ZBTB20: variants seen among roughly 807,000 people sequenced by gnomAD.
The protein encoded by ZBTB20 is zinc finger and BTB domain-containing protein 20.
ZBTB20 carries 9 observed loss-of-function variants against 56.9 expected under a neutral mutation model. That is an observed-to-expected ratio of 0.16 (90% CI 0.10 to 0.28). The LOEUF (loss-of-function observed/expected upper bound fraction) is 0.28, where lower values mean the gene tolerates loss of function less well. Among genes scored for constraint, ZBTB20 ranks in the 10% least tolerant of loss-of-function variants. ZBTB20 has a pLI of 1.00. For missense variants in ZBTB20, 655 were observed against 1,003.0 expected (o/e 0.65, Z 4.69); for synonymous variants, 417 against 420.7 (o/e 0.99, Z 0.11).
At chr3:114,798,803 A>G (rs2071512407) in intron 5 of ZBTB20, among the ~76,000 whole-genome samples, 1 of 151,934 alleles carries the variant, frequency 6.6e-6, no homozygotes, top group African/African-American at 2.4e-5. Context: ...GTTATTGAAC[A>G]TGATAACAGT....
chr3:114,751,581 G>C (rs1246088905), intron 5 of ZBTB20, among the ~76,000 whole-genome samples: 1 of 151,930 alleles, frequency 6.6e-6, no homozygotes, highest in African/African-American at 2.4e-5. Context: ...ACCCTCTTTA[G>C]GTAAAACTGT....
chr3:114,533,012 G>A (rs1015433321), intron 6 of ZBTB20, among the ~76,000 whole-genome samples: 5 of 152,168 alleles, frequency 3.3e-5, no homozygotes, highest in African/African-American at 1.2e-4. Flanking sequence ...ACCAAAGGTA[G>A]ATAAATCCAC....
intron 5 of ZBTB20, among the ~76,000 whole-genome samples, chr3:114,740,010 T>C (rs537201319): frequency 7.9e-5 from 12 of 152,332 alleles, no homozygotes; most frequent in Admixed American, 7.8e-4. Context: ...TAATCTGAGG[T>C]GATTACGTTT....
chr3:114,525,862 A>G (rs970510138), intron 6 of ZBTB20, among the ~76,000 whole-genome samples: 71 of 152,306 alleles, frequency 4.7e-4, no homozygotes, highest in African/African-American at 1.7e-3. Context: ...TTCCTGCTCT[A>G]TGATACTGTC....
In ZBTB20 at chr3:114,437,118, A is replaced by G. The variant is rs2090571400; in HGVS notation, c.-254-48013T>C. 3.3e-5 allele frequency among the ~76,000 whole-genome samples: 5 copies of G among 152,234 alleles called. No individual in the cohort carries two copies. In the South Asian group the frequency reaches 1.0e-3, roughly 32 times the overall value. ...GGAACAGGGGAAGGTGAAGGAAGCA[A>G]TCAGATTAACTAACACAAGGACCCT... On this transcript the variant is annotated intron_variant, in intron 7 of 11. Coordinates refer to ENST00000675478, the MANE Select transcript of ZBTB20 (RefSeq NM_001348800.3).
chr3:114,668,174 A>G (rs1159373092), intron 6 of ZBTB20, among the ~76,000 whole-genome samples: 1 of 152,058 alleles, frequency 6.6e-6, no homozygotes, highest in African/African-American at 2.4e-5. Context: ...CCAGCCCGTC[A>G]GTTTCCCTTT....
At chr3:114,503,765 T>C (rs1453010620) in intron 6 of ZBTB20, among the ~76,000 whole-genome samples, 2 of 152,168 alleles carry the variant, frequency 1.3e-5, no homozygotes, top group Admixed American at 1.3e-4. Context: ...AGTTTAATCT[T>C]CGTATTATAA....
intron 6 of ZBTB20, among the ~76,000 whole-genome samples, chr3:114,592,728 C>T (rs1032158827): frequency 3.9e-5 from 6 of 152,166 alleles, no homozygotes; most frequent in African/African-American, 7.2e-5. Flanking sequence ...TTATAGAGAA[C>T]CTTCCACTAA....
At chr3:114,533,563 T>C (rs574033308) in intron 6 of ZBTB20, among the ~76,000 whole-genome samples, 2 of 152,290 alleles carry the variant, frequency 1.3e-5, no homozygotes, top group South Asian at 4.1e-4. Flanking sequence ...TGGAAAATTC[T>C]TCAGGATATT....
chr3:114,397,790 G>A (rs906503820), intron 7 of ZBTB20, among the ~76,000 whole-genome samples: 4 of 152,096 alleles, frequency 2.6e-5, no homozygotes, highest in Admixed American at 2.0e-4. Context: ...TCTTTGTCCA[G>A]GCTTACCGGA....
chr3:114,695,443 T>C (rs1026559491), intron 5 of ZBTB20, among the ~76,000 whole-genome samples: 1 of 152,012 alleles, frequency 6.6e-6, no homozygotes, highest in African/African-American at 2.4e-5. Flanking sequence ...AGTCCTGCCC[T>C]AGTATGGTTC....
At chr3:114,499,881 C>G (rs2043746005) in intron 7 of ZBTB20, among the ~76,000 whole-genome samples, 1 of 152,004 alleles carries the variant, frequency 6.6e-6, no homozygotes, top group Non-Finnish European at 1.5e-5. Flanking sequence ...ATTTTACAGT[C>G]TTGTACTTCT....
intron 7 of ZBTB20, chr3:114,445,583 C>A (rs748143761): frequency 1.3e-5 from 2 of 152,152 alleles, no homozygotes; most frequent in Non-Finnish European, 2.9e-5. Flanking sequence ...TTTTAAAAAT[C>A]TAGATGGACA....
At chr3:114,464,372 C>T (rs767586920) in intron 7 of ZBTB20, among the ~76,000 whole-genome samples, 2 of 152,136 alleles carry the variant, frequency 1.3e-5, no homozygotes, top group East Asian at 1.9e-4. Flanking sequence ...GCGCACTTTA[C>T]GTGAAACAAT....
chr3:114,980,398 T>TA (rs2078278868), intron 2 of ZBTB20, among the ~76,000 whole-genome samples: 1 of 150,630 alleles, frequency 6.6e-6, no homozygotes, highest in Admixed American at 6.6e-5. Context: ...TAAGGGTCCA[T>TA]AAAACAATTA....
intron 3 of ZBTB20, among the ~76,000 whole-genome samples, chr3:114,927,430 C>G (rs114044371): frequency 3.9e-5 from 6 of 152,180 alleles, no homozygotes; most frequent in Non-Finnish European, 8.8e-5. Context: ...GTGTCCTTAA[C>G]GTTGACAAAA....
chr3:114,853,444 A>C (rs2075099386), intron 4 of ZBTB20, among the ~76,000 whole-genome samples: 1 of 152,226 alleles, frequency 6.6e-6, no homozygotes, highest in Non-Finnish European at 1.5e-5. Flanking sequence ...TGTTTGTTGC[A>C]CAGCAACATA....
chr3:114,532,284 C>A (rs750293626), intron 6 of ZBTB20, among the ~76,000 whole-genome samples: 3 of 152,130 alleles, frequency 2.0e-5, no homozygotes, highest in Non-Finnish European at 2.9e-5. Flanking sequence ...TGACCTGGGA[C>A]CCTCAAGCTT....
At chr3:114,995,384 C>A (rs1488504918) in intron 2 of ZBTB20, among the ~76,000 whole-genome samples, 1 of 151,806 alleles carries the variant, frequency 6.6e-6, no homozygotes, top group Non-Finnish European at 1.5e-5. Flanking sequence ...TTTTCAAAAG[C>A]TTCATATAGG....
Sources: allele counts gnomAD v4.1 joint callset (sites outside exome capture counted in the v4.1 genomes callset), GRCh38; gene constraint gnomAD v4.1.1; transcripts MANE v1.5; gene names NCBI Gene and HGNC (gene_info 2026-07-23, HGNC 2026-07-21).